Variants in MUC5AC observed in about 807,000 individuals in gnomAD.
MUC5AC encodes mucin-5AC.
Under a neutral mutation model 169.7 loss-of-function variants are expected in MUC5AC, and 158 were observed. That is an observed-to-expected ratio of 0.93 (90% CI 0.82 to 1.06). MUC5AC has a LOEUF of 1.06. MUC5AC is among the 50% of genes least tolerant of loss of function. The probability of loss-of-function intolerance (pLI) is 0.00; values close to 1 mark genes in which losing one functional copy is unlikely to be tolerated. For synonymous variants in MUC5AC, 1,975 were observed against 1,237.0 expected, an observed-to-expected ratio of 1.60 and a Z score of -12.52; for missense variants, 4,359 against 3,089.9, an observed-to-expected ratio of 1.41 and a Z score of -9.74.
intron 32 of MUC5AC, 46 bp downstream of exon 32, chr11:1,193,028 A>T (rs1564917802): frequency 1.6e-6 from 1 of 634,244 alleles, no homozygotes; most frequent in Non-Finnish European, 2.9e-6. Flanking sequence ...GGGCTCCTAC[A>T]GGGAACTTGA....
intron 11 of MUC5AC, among the ~76,000 whole-genome samples, chr11:1,166,910 A>C (rs1860349474): frequency 1.1e-4 from 1 of 9,220 alleles, no homozygotes. Context: ...CAGTCTCTGC[A>C]CGATGAGACC....
At chr11:1,164,787 G>T (rs537838953) in intron 9 of MUC5AC, among the ~76,000 whole-genome samples, 6 of 137,826 alleles carry the variant, frequency 4.4e-5, no homozygotes, top group African/African-American at 1.6e-4. Flanking sequence ...GCTGGCTGAT[G>T]CCCCTGTCCC....
At chr11:1,178,745 C>A in intron 25 of MUC5AC, 62 bp downstream of exon 25, 1 of 903,262 alleles carries the variant, frequency 1.1e-6, no homozygotes, top group Non-Finnish European at 1.5e-6. Context: ...AAGGAGCCCC[C>A]AGAAGGGAGA....
rs1457590551 is a variant in MUC5AC at position 1,185,432 on chromosome 11, C to A, written c.7287C>A (p.Thr2429=). 1 of 729,798 alleles carries A rather than the reference C, an allele frequency of 1.4e-6. No homozygotes were observed. Among genetic ancestry groups the A allele is most frequent in the Non-Finnish European group, 2.5e-6 (1 of 400,292 alleles). 45.2% of individuals were successfully genotyped at this position (729,798 alleles called of 1,614,324 possible). A position where few individuals can be genotyped will look rare whatever the true frequency, so the allele number is the denominator to read the frequency against. ...CCTCTGCCCCTACAAGCAGCACAACCTCCAGTCCACAGACCAGCACAACCT... is the reference window on the plus strand; with the variant it reads ...CCTCTGCCCCTACAAGCAGCACAACATCCAGTCCACAGACCAGCACAACCT... ...STTSAPTSST[T]SSPQTSTTSA... The change falls in exon 31 of 49, where the codon ACC becomes ACA. Residue 2429 remains threonine, a synonymous_variant. Transcript: ENST00000621226.
At chr11:1,161,499 T>A in intron 2 of MUC5AC, 28 bp from the exon 3 acceptor site, 1 of 1,560,042 alleles carries the variant, frequency 6.4e-7, no homozygotes, top group Non-Finnish European at 8.7e-7. Context: ...GGGCCGTGCG[T>A]GAATCCTACC....
Position 1,188,021 on chromosome 11 carries a change from T to G in MUC5AC, c.9876T>G (p.Arg3292=), listed in dbSNP as rs1554928447. The change falls in exon 31 of 49, where the codon CGT becomes CGG. Residue 3292 remains arginine (R), a synonymous_variant. Transcript: ENST00000621226. ...EHLGQVVQCS[R]EEGLVCRNQD... ...TGGGCCAGGTGGTGCAGTGCAGCCG[T>G]GAAGAGGGCCTGGTGTGCCGGAACC... 4,937 of 757,796 alleles carry G rather than the reference T, an allele frequency of 6.5e-3. 30 individuals are homozygous for G. Among genetic ancestry groups the G allele is most frequent in the Non-Finnish European group, 8.5e-3 (3,504 of 413,530 alleles). 46.9% of individuals were successfully genotyped at this position (757,796 alleles called of 1,614,324 possible).
chr11:1,188,345 C>T lies in MUC5AC; in HGVS notation c.10200C>T (p.Ser3400=). The part of the protein sequence containing the change: ...TTSAPTTSTT[S]TPQTSISSAP... ...CTGCCCCTACAACCAGCACAACCTC[C>T]ACTCCACAGACCAGCATATCCTCTG... The change falls in exon 31 of 49, where the codon TCC becomes TCT. Residue 3400 remains serine, a synonymous_variant. Transcript: ENST00000621226. The T allele has an allele frequency of 4.6e-6, 3 of 650,250 alleles. No homozygotes were observed. Among genetic ancestry groups the T allele is most frequent in the Non-Finnish European group, 8.5e-6 (3 of 350,902 alleles). The allele number at this position is 650,250 out of a possible 1,614,324, so 40.3% of individuals were successfully genotyped here.
At position 1,190,597 on chromosome 11, in the gene MUC5AC, C is replaced by G. The variant is rs1306234302; in HGVS notation, c.12452C>G (p.Thr4151Ser). ...PTHRTTSGPT[T>S]STTLAPTTST... ...CACAGAACGACTTCTGGTCCTACAACCAGCACAACCTTGGCTCCTACAACC... is the reference window on the plus strand; with the variant it reads ...CACAGAACGACTTCTGGTCCTACAAGCAGCACAACCTTGGCTCCTACAACC... The change falls in exon 31 of 49, where the codon ACC becomes AGC. Residue 4151 changes from threonine to serine, a missense_variant. Thr to Ser is a moderately conservative substitution (Grantham distance 58). Transcript: ENST00000621226. 37 of 694,472 alleles carry G rather than the reference C, an allele frequency of 5.3e-5. 1 individual carries two copies. Among genetic ancestry groups the G allele is most frequent in the South Asian group, 1.8e-4 (12 of 65,708 alleles). 43.0% of individuals were successfully genotyped at this position (694,472 alleles called of 1,614,324 possible). A position where few individuals can be genotyped will look rare whatever the true frequency, so the allele number is the denominator to read the frequency against.
chr11:1,169,925 T>C (rs1434556693), intron 15 of MUC5AC, among the ~76,000 whole-genome samples: 34 of 55,038 alleles, frequency 6.2e-4, no homozygotes, highest in African/African-American at 8.3e-4. Context: ...CATTCACCCA[T>C]TCACTCACTC....
At position 1,178,559 on chromosome 11, in the gene MUC5AC, C is replaced by T; in HGVS notation, c.3203C>T (p.Ser1068Phe). Residue 1068 changes from serine (S) to phenylalanine (F), a missense_variant, in exon 25 of 49, where the codon TCC becomes TTC. Physicochemically the swap from Ser to Phe is radical, Grantham distance 155. Transcript: ENST00000621226. ...VLEFGNSWKL[S>F]PSCPDALAPK... ...GAGTTTGGGAACAGCTGGAAGCTCT[C>T]CCCCTCCTGCCCAGATGCCCTGGCG... 1 of 1,379,826 alleles carries T rather than the reference C, an allele frequency of 7.2e-7. No individual in the cohort carries two copies. Among genetic ancestry groups the T allele is most frequent in the Non-Finnish European group, 9.5e-7 (1 of 1,050,560 alleles). 85.5% of individuals were successfully genotyped at this position (1,379,826 alleles called of 1,614,324 possible). A position where few individuals can be genotyped will look rare whatever the true frequency, so the allele number is the denominator to read the frequency against.
intron 15 of MUC5AC, among the ~76,000 whole-genome samples, chr11:1,169,862 TCACC>T: frequency 9.2e-6 from 1 of 109,200 alleles, no homozygotes; most frequent in Admixed American, 9.1e-5. Context: ...ACTCACCCAT[TCACC>T]CACTCACCCA....
Position 1,186,505 on chromosome 11 carries a change from G to C in MUC5AC, c.8360G>C (p.Ser2787Thr). ...AGCACAATCTCTGCCCCTACAACCA[G>C]CACAACTTTGTCTCCTACAACCAGC... ...TTSTISAPTT[S>T]TTLSPTTSTT... The change falls in exon 31 of 49, where the codon AGC becomes ACC. Residue 2787 changes from serine (S) to threonine (T), a missense_variant. Coordinates refer to ENST00000621226, the MANE Select transcript of MUC5AC (RefSeq NM_001304359.2). 1 of 695,098 alleles carries C rather than the reference G, an allele frequency of 1.4e-6. No individual in the cohort carries two copies. The highest frequency in any genetic ancestry group is 2.6e-6 in the Non-Finnish European group (1 of 380,708). The allele number at this position is 695,098 out of a possible 1,614,324, so 43.1% of individuals were successfully genotyped here.
rs1229799118 is a variant in MUC5AC, at chr11:1,172,943, C to T, written c.1965+420C>T. 2.8e-3 allele frequency among the ~76,000 whole-genome samples: 407 copies of T among 147,526 alleles called. 3 individuals are homozygous for T. The highest frequency in any genetic ancestry group is 9.4e-3 in the African/African-American group (372 of 39,520). On this transcript the variant is annotated intron_variant, in intron 16 of 48. Transcript: ENST00000621226. ...TTACCCACTCACCCATTCTCTCACT[C>T]GCCCACTCACCCATTCACTCACTCA... is the stretch of plus-strand genomic sequence containing the variant.
At chr11:1,171,817 C>T (rs934407700) in intron 15 of MUC5AC, among the ~76,000 whole-genome samples, 267 of 148,456 alleles carry the variant, frequency 1.8e-3, no homozygotes, top group African/African-American at 6.3e-3. Context: ...TTCACTCACT[C>T]ACCCACTCAC....
In MUC5AC at chr11:1,185,587, C is replaced by T. The variant is rs1433299239; in HGVS notation, c.7442C>T (p.Thr2481Ile). 1 of 725,120 alleles carries T rather than the reference C, an allele frequency of 1.4e-6. No individual in the cohort carries two copies. Among genetic ancestry groups the T allele is most frequent in the Non-Finnish European group, 2.5e-6 (1 of 397,480 alleles). The allele number at this position is 725,120 out of a possible 1,614,324, so 44.9% of individuals were successfully genotyped here. A position where few individuals can be genotyped will look rare whatever the true frequency, so the allele number is the denominator to read the frequency against. The change falls in exon 31 of 49, where the codon ACA becomes ATA. Residue 2481 changes from threonine to isoleucine, a missense_variant. Physicochemically the swap from Thr to Ile is moderately conservative, Grantham distance 89. Transcript: ENST00000621226. ...AAAAGCAGCACAACCTCTGCCGCTA[C>T]AACCAGCACAACCTCTGGTCCTGAA... ...APKSSTTSAA[T>I]TSTTSGPETT... is the part of the protein sequence containing the mutation.
intron 36 of MUC5AC, 59 bp from the exon 37 acceptor site, chr11:1,195,817 G>T (rs544498228): frequency 4.5e-5 from 33 of 737,744 alleles, no homozygotes; most frequent in Middle Eastern, 2.3e-4. Context: ...GGAGCCTGAC[G>T]TGGAGCAGGC....
chr11:1,169,416 A>T, intron 15 of MUC5AC, among the ~76,000 whole-genome samples: 1 of 100,194 alleles, frequency 1.0e-5, no homozygotes, highest in East Asian at 2.5e-4. Flanking sequence ...TCACTCACCC[A>T]TTCGCCCACT....
rs1405733322 is a variant in MUC5AC at position 1,189,275 on chromosome 11, C to G, written c.11130C>G (p.Thr3710=). The G allele has an allele frequency of 3.4e-6, 2 of 589,620 alleles. No homozygotes were observed. Among genetic ancestry groups the G allele is most frequent in the Admixed American group, 3.0e-5 (1 of 33,720 alleles). 36.5% of individuals were successfully genotyped at this position (589,620 alleles called of 1,614,324 possible). A position where few individuals can be genotyped will look rare whatever the true frequency, so the allele number is the denominator to read the frequency against. ...CGAGCACAACTTCTGCCCCTACAAC[C>G]AGCACAACCTCCACTCCACAGACCA... ...PTTSTTSAPT[T]STTSTPQTTT... is the part of the protein sequence containing the mutation. The change falls in exon 31 of 49, where the codon ACC becomes ACG. Residue 3710 remains threonine, a synonymous_variant. Transcript: ENST00000621226.
chr11:1,170,566 C>A, intron 15 of MUC5AC, among the ~76,000 whole-genome samples: 2 of 142,534 alleles, frequency 1.4e-5, no homozygotes, highest in Non-Finnish European at 3.1e-5. Context: ...CCCACTCACC[C>A]ACTCACCCAC....
Sources: gnomAD v4.1 joint callset for allele counts (sites outside exome capture counted in the v4.1 genomes callset) on GRCh38, gnomAD v4.1.1 for gene constraint, MANE v1.5 for transcripts, NCBI Gene and HGNC (gene_info 2026-07-23, HGNC 2026-07-21) for gene names.